HCK: variants seen among roughly 807,000 people sequenced by gnomAD.
HCK encodes the protein HCK proto-oncogene, Src family tyrosine kinase, also known as tyrosine-protein kinase HCK.
A neutral mutation model predicts 70.4 loss-of-function variants in HCK; 40 were observed. The ratio of observed to expected loss-of-function variants is 0.57; its 90% confidence interval spans 0.44 to 0.74. The LOEUF is 0.74. Among genes scored for constraint, HCK ranks in the 30% least tolerant of loss-of-function variants. HCK has a pLI of 0.00. For synonymous variants in HCK, 245 were observed against 263.2 expected, an observed-to-expected ratio of 0.93 and a Z score of 0.67; for missense variants, 568 against 697.2, an observed-to-expected ratio of 0.81 and a Z score of 2.09.
At chr20:32,069,610 C>T (rs1331069461) in intron 1 of HCK, 1 of 434,814 alleles carries the variant, frequency 2.3e-6, no homozygotes, top group Admixed American at 2.8e-5. Flanking sequence ...TAAATCTGTG[C>T]TTAATTATGA....
chr20:32,052,421 C>T lies in HCK; in HGVS notation c.-4C>T. 1 of 1,284,424 alleles carries T rather than the reference C, an allele frequency of 7.8e-7. No homozygotes were observed. Among genetic ancestry groups the T allele is most frequent in the Non-Finnish European group, 9.9e-7 (1 of 1,006,536 alleles). 79.6% of individuals were successfully genotyped at this position (1,284,424 alleles called of 1,614,324 possible). On this transcript the variant is annotated 5_prime_UTR_variant, in exon 1 of 13. Transcript: ENST00000375852. Reference sequence around the variant, plus strand: ...GGCACCCCGGAACCTCAGGGGCTGCCGAGCTGGGGGGGCGCTCAAGCTGCG... The same window carrying T: ...GGCACCCCGGAACCTCAGGGGCTGCTGAGCTGGGGGGGCGCTCAAGCTGCG...
chr20:32,070,758 G>C (rs565674865), intron 1 of HCK, among the ~76,000 whole-genome samples: 1 of 152,138 alleles, frequency 6.6e-6, no homozygotes, highest in South Asian at 2.1e-4. Flanking sequence ...GCGTGAACTT[G>C]CTTCTCTTCT....
At chr20:32,088,521 A>G (rs765791760) in intron 9 of HCK, 47 bp from the exon 10 acceptor site, 14 of 1,476,382 alleles carry the variant, frequency 9.5e-6, no homozygotes, top group African/African-American at 1.4e-5. Flanking sequence ...GGTTTTTGCC[A>G]TTAAATAGTA....
chr20:32,059,588 T>C (rs541516010), intron 1 of HCK, among the ~76,000 whole-genome samples: 1 of 152,006 alleles, frequency 6.6e-6, no homozygotes, highest in East Asian at 1.9e-4. Context: ...CTATCATGGC[T>C]CATGCAGCCC....
At chr20:32,056,445 G>A (rs549029570) in intron 1 of HCK, among the ~76,000 whole-genome samples, 25 of 152,176 alleles carry the variant, frequency 1.6e-4, no homozygotes, top group African/African-American at 5.5e-4. Flanking sequence ...GAACCCGGGA[G>A]GCGGAGCTTG....
rs769711436 is a variant in HCK at position 32,079,920 on chromosome 20, C to G, written c.532+43C>G. ...CACCTTGTCCTCCCTGCCGAGGTGCCCCAGCTGGGGCTGGCCACCACCCTT... is the reference window on the plus strand; with the variant it reads ...CACCTTGTCCTCCCTGCCGAGGTGCGCCAGCTGGGGCTGGCCACCACCCTT... On this transcript the variant is annotated intron_variant, in intron 6 of 12. Transcript: ENST00000375852. The G allele has an allele frequency of 5.0e-6, 7 of 1,409,132 alleles. No homozygotes were observed. The East Asian group carries it at 1.4e-4, about 28-fold the overall frequency. The allele number at this position is 1,409,132 out of a possible 1,614,324, so 87.3% of individuals were successfully genotyped here. A position where few individuals can be genotyped will look rare whatever the true frequency, so the allele number is the denominator to read the frequency against.
At chr20:32,071,545 C>A (rs2045538204) in intron 1 of HCK, 117 bp from the exon 2 acceptor site, 2 of 1,313,390 alleles carry the variant, frequency 1.5e-6, no homozygotes, top group African/African-American at 1.5e-5. Context: ...GGAGTTAAGA[C>A]CGGGAAGGCC....
intron 6 of HCK, 132 bp downstream of exon 6, chr20:32,080,009 T>C: frequency 2.9e-6 from 2 of 685,728 alleles, no homozygotes; most frequent in Non-Finnish European, 5.2e-6. Context: ...GCCAGGTTTC[T>C]CCTGCTCTTG....
intron 1 of HCK, among the ~76,000 whole-genome samples, chr20:32,058,696 AGACC>A: frequency 6.6e-6 from 1 of 152,006 alleles, no homozygotes; most frequent in Non-Finnish European, 1.5e-5. Context: ...CTCCAGAAGC[AGACC>A]CTAGGCAAGG....
intron 1 of HCK, among the ~76,000 whole-genome samples, chr20:32,071,239 T>C (rs372017012): frequency 1.6e-4 from 25 of 152,156 alleles, no homozygotes; most frequent in African/African-American, 5.5e-4. Flanking sequence ...GAGAGGTGGG[T>C]AGGGGCAGGA....
chr20:32,059,012 C>A (rs375586107), intron 1 of HCK, among the ~76,000 whole-genome samples: 1 of 152,204 alleles, frequency 6.6e-6, no homozygotes, highest in East Asian at 1.9e-4. Context: ...AGAGCAGGCA[C>A]CAATAGCCAC....
chr20:32,062,837 C>G (rs1293804672), intron 1 of HCK, among the ~76,000 whole-genome samples: 1 of 152,180 alleles, frequency 6.6e-6, no homozygotes, highest in Non-Finnish European at 1.5e-5. Context: ...GGGCTCTGCA[C>G]CCCCAAGGCA....
intron 10 of HCK, among the ~76,000 whole-genome samples, chr20:32,092,170 A>G (rs1239315525): frequency 6.6e-6 from 1 of 152,068 alleles, no homozygotes; most frequent in Admixed American, 6.5e-5. Flanking sequence ...TAATTTCATC[A>G]GACTGCACCC....
Position 32,094,806 on chromosome 20 carries a change from A to AG in HCK, c.1246+790_1246+791insG, listed in dbSNP as rs1157005847. ...GAGAAAGAGAAAGAAAGAAAGAAAG[A>AG]AAGAAAGAAAGAAAGAAAGAAAGAA... On this transcript the variant is annotated intron_variant, in intron 11 of 12. Coordinates refer to ENST00000375852, the MANE Select transcript of HCK (RefSeq NM_002110.5). Among the ~76,000 whole-genome samples, 145 of 83,288 alleles carry AG rather than the reference A, an allele frequency of 1.7e-3. 2 individuals are homozygous for AG. Among genetic ancestry groups the AG allele is most frequent in the African/African-American group, 4.4e-3 (127 of 28,978 alleles). 54.6% of individuals were successfully genotyped at this position (83,288 alleles called of 152,430 possible).
At position 32,083,927 on chromosome 20, in the gene HCK, C is replaced by T. The variant is rs1407938720; in HGVS notation, c.566C>T (p.Pro189Leu). 2.5e-6 allele frequency: 4 copies of T among 1,614,046 alleles called. No individual in the cohort carries two copies. The change falls in exon 7 of 13, where the codon CCT becomes CTT. Residue 189 changes from proline (P) to leucine (L), a missense_variant. Physicochemically the swap from Pro to Leu is moderately conservative, Grantham distance 98. Coordinates refer to ENST00000375852, the MANE Select transcript of HCK (RefSeq NM_002110.5). The stretch of plus-strand genomic sequence containing the variant: ...TCTTTGTCCGTGCGAGACTACGACC[C>T]TCGGCAGGGAGATACCGTGAAACAT...
chr20:32,087,473 T>A (rs1415450834), intron 9 of HCK, among the ~76,000 whole-genome samples: 1 of 151,994 alleles, frequency 6.6e-6, no homozygotes, highest in Non-Finnish European at 1.5e-5. Flanking sequence ...TTTATTTACA[T>A]ATTTATTTTT....
intron 2 of HCK, 51 bp from the exon 3 acceptor site, chr20:32,073,268 G>T (rs772485133): frequency 6.6e-7 from 1 of 1,511,250 alleles, no homozygotes. Flanking sequence ...CCTTCCACGG[G>T]TCCCCACACA....
intron 3 of HCK, 134 bp downstream of exon 3, chr20:32,073,495 C>T: frequency 1.3e-6 from 1 of 745,802 alleles, no homozygotes; most frequent in South Asian, 1.8e-5. Context: ...CTCTGAAGTG[C>T]TTTGCGCAGG....
At position 32,070,979 on chromosome 20, in the gene HCK, AAGGGAGGG is replaced by A. The variant is rs376481023; in HGVS notation, c.63-669_63-662del. Among the ~76,000 whole-genome samples the A allele has an allele frequency of 3.9e-5, 4 of 101,750 alleles. No homozygotes were observed. The South Asian group carries it at 1.7e-3, about 42-fold the overall frequency. 66.8% of individuals were successfully genotyped at this position (101,750 alleles called of 152,430 possible). ...AGGAAGAGGAGGGGGAGCAGGAAGG[AAGGGAGGG>A]AGGGAGGGAGGGAAGGAGTTATAAG... On this transcript the variant is annotated intron_variant, in intron 1 of 12. Coordinates refer to ENST00000375852, the MANE Select transcript of HCK (RefSeq NM_002110.5).
Sources: allele counts gnomAD v4.1 joint callset (sites outside exome capture counted in the v4.1 genomes callset), GRCh38; gene constraint gnomAD v4.1.1; transcripts MANE v1.5; gene names NCBI Gene and HGNC (gene_info 2026-07-23, HGNC 2026-07-21).